The following PTPRM variants were observed in gnomAD, a reference collection of about 807,000 sequenced individuals.
PTPRM encodes the protein receptor-type tyrosine-protein phosphatase mu.
In PTPRM, 47 loss-of-function variants were observed where a neutral mutation model predicts 186.7. The observed-to-expected ratio is 0.25, with a 90% CI of 0.20 to 0.32. PTPRM has a LOEUF of 0.32. Ranked by LOEUF, PTPRM falls within the 10% of genes least tolerant of loss-of-function variation. The pLI is 1.00. For synonymous variants in PTPRM, 668 were observed against 674.9 expected (o/e 0.99, Z 0.16); for missense variants, 1,494 against 1,865.0 (o/e 0.80, Z 3.66).
At chr18:7,609,740 G>A (rs150841545) in intron 1 of PTPRM, among the ~76,000 whole-genome samples, 26 of 152,222 alleles carry the variant, frequency 1.7e-4, no homozygotes, top group Admixed American at 5.9e-4. Flanking sequence ...GCTCTTGAGT[G>A]TCTGATTACT....
intron 14 of PTPRM, among the ~76,000 whole-genome samples, chr18:8,171,360 GTAGTTTT>G (rs2093398243): frequency 6.6e-6 from 1 of 152,202 alleles, no homozygotes; most frequent in South Asian, 2.1e-4. Context: ...CTCAGGGACT[GTAGTTTT>G]TCAATAGATT....
intron 11 of PTPRM, among the ~76,000 whole-genome samples, chr18:8,111,563 A>G (rs1307345404): frequency 6.6e-6 from 1 of 152,128 alleles, no homozygotes; most frequent in Non-Finnish European, 1.5e-5. Context: ...CAGTGAGCCA[A>G]GATCGTGCCA....
intron 1 of PTPRM, among the ~76,000 whole-genome samples, chr18:7,767,303 C>T (rs1222522281): frequency 6.6e-6 from 1 of 152,144 alleles, no homozygotes; most frequent in Non-Finnish European, 1.5e-5. Flanking sequence ...ATTTGTATAT[C>T]TCAGTAGAGA....
intron 14 of PTPRM, among the ~76,000 whole-genome samples, chr18:8,209,844 A>G (rs7227101): frequency 0.069 from 10,418 of 151,816 alleles, 1,201 homozygotes; most frequent in African/African-American, 0.24. Flanking sequence ...AAGGGGAGGG[A>G]GAGCATTAGG....
chr18:8,158,775 AG>A (rs1254206486), intron 14 of PTPRM, among the ~76,000 whole-genome samples: 1 of 152,238 alleles, frequency 6.6e-6, no homozygotes, highest in African/African-American at 2.4e-5. Flanking sequence ...AAGCACAAGC[AG>A]GCGTGTCCCA....
Position 8,284,476 on chromosome 18 carries a change from G to A in PTPRM, c.2755-11892G>A, listed in dbSNP as rs75349610. 4.1e-3 allele frequency among the ~76,000 whole-genome samples: 625 copies of A among 152,196 alleles called. 4 individuals carry two copies. The highest frequency in any genetic ancestry group is 0.013 in the African/African-American group (548 of 41,530). ...TTCAGCAGACTGTGATTCTGAAGGG[G>A]GAAGAAACACTATACTGTGAAACAT... On this transcript the variant is annotated intron_variant, in intron 19 of 32. Transcript: ENST00000580170.
chr18:7,584,361 G>A (rs534500757), intron 1 of PTPRM, among the ~76,000 whole-genome samples: 2 of 152,290 alleles, frequency 1.3e-5, no homozygotes, highest in South Asian at 4.1e-4. Flanking sequence ...GTTTGTCGTC[G>A]ATTGTTAGGG....
rs2095905728 is a variant in PTPRM at position 8,406,227 on chromosome 18, G to T, written c.*65G>T. On this transcript the variant is annotated 3_prime_UTR_variant, in exon 33 of 33. Transcript: ENST00000580170. ...AAAGCCAAGACGTTCCATGGTATTT[G>T]TGCAAAAGAGATGAAGACTTCTCAA... The T allele has an allele frequency of 1.4e-6, 2 of 1,460,040 alleles. No homozygotes were observed. The highest frequency in any genetic ancestry group is 2.8e-5 in the African/African-American group (2 of 71,096). 90.4% of individuals were successfully genotyped at this position (1,460,040 alleles called of 1,614,324 possible).
At chr18:7,889,339 T>C (rs1288454990) in intron 3 of PTPRM, among the ~76,000 whole-genome samples, 2 of 145,044 alleles carry the variant, frequency 1.4e-5, no homozygotes, top group African/African-American at 2.5e-5. Context: ...CTTTCTTTTT[T>C]TTTTTTTTTT....
intron 13 of PTPRM, among the ~76,000 whole-genome samples, chr18:8,138,940 T>C (rs2092701392): frequency 1.3e-5 from 2 of 152,094 alleles, no homozygotes; most frequent in Admixed American, 6.5e-5. Flanking sequence ...TCCGCCTCCA[T>C]GTGGCTGAGT....
chr18:8,231,327 G>C (rs1273455062), intron 14 of PTPRM, among the ~76,000 whole-genome samples: 5 of 152,218 alleles, frequency 3.3e-5, no homozygotes, highest in African/African-American at 1.2e-4. Context: ...TGGCAGACGG[G>C]CCCATCCATC....
chr18:8,168,022 A>G (rs1284200363), intron 14 of PTPRM, among the ~76,000 whole-genome samples: 1 of 152,152 alleles, frequency 6.6e-6, no homozygotes, highest in Non-Finnish European at 1.5e-5. Flanking sequence ...GGTATTTCTC[A>G]TTAGCATTAT....
At chr18:8,317,655 A>G (rs1261447964) in intron 21 of PTPRM, among the ~76,000 whole-genome samples, 2 of 152,166 alleles carry the variant, frequency 1.3e-5, no homozygotes, top group African/African-American at 2.4e-5. Context: ...CCAGGGAGGT[A>G]GGTAGGAAGA....
chr18:7,567,831 G>GCATTATTTTTCA lies in PTPRM; in HGVS notation c.13_14insCATTATTTTTCA (p.Gly5delinsAlaLeuPhePheArg). On this transcript the variant is annotated protein_altering_variant, in exon 1 of 33. Transcript: ENST00000580170. The surrounding 1 kb of genome is among the most constrained non-coding windows in gnomAD (Gnocchi z 4.3). ...CGCACTCAGCACCATGAGGGGACTT[G>GCATTATTTTTCA]GGACTTGCCTGGCGACTTTGGCCGG... 6.4e-7 allele frequency: 1 copy of GCATTATTTTTCA among 1,558,678 alleles called. No homozygotes were observed. The highest frequency in any genetic ancestry group is 8.6e-7 in the Non-Finnish European group (1 of 1,156,364).
intron 14 of PTPRM, among the ~76,000 whole-genome samples, chr18:8,171,079 T>C (rs187409516): frequency 6.6e-6 from 1 of 152,336 alleles, no homozygotes; most frequent in Admixed American, 6.5e-5. Context: ...TAGGAGTAGC[T>C]AAAAACTGAA....
At chr18:8,295,277 A>G (rs1203722299) in intron 19 of PTPRM, among the ~76,000 whole-genome samples, 4 of 152,208 alleles carry the variant, frequency 2.6e-5, no homozygotes, top group Non-Finnish European at 5.9e-5. Flanking sequence ...ACCCACAAAA[A>G]GGAATAAATA....
chr18:7,821,507 T>C (rs2048695741), intron 2 of PTPRM, among the ~76,000 whole-genome samples: 1 of 152,178 alleles, frequency 6.6e-6, no homozygotes, highest in African/African-American at 2.4e-5. Context: ...CCAAGTCCCC[T>C]AGTGGATGCC....
chr18:7,692,416 A>G (rs2039752731), intron 1 of PTPRM, among the ~76,000 whole-genome samples: 1 of 152,098 alleles, frequency 6.6e-6, no homozygotes, highest in African/African-American at 2.4e-5. Flanking sequence ...CAGGAGGTTA[A>G]GGCTATAGTG....
At chr18:8,131,306 T>A (rs1178696189) in intron 13 of PTPRM, among the ~76,000 whole-genome samples, 1 of 152,176 alleles carries the variant, frequency 6.6e-6, no homozygotes, top group Non-Finnish European at 1.5e-5. Context: ...CTCCCACTGA[T>A]GATATTTTCC....
Sources: gnomAD v4.1 joint callset for allele counts (sites outside exome capture counted in the v4.1 genomes callset) on GRCh38, gnomAD v4.1.1 for gene constraint, Gnocchi (gnomAD v3.1) non-coding constraint, MANE v1.5 for transcripts, NCBI Gene and HGNC (gene_info 2026-07-23, HGNC 2026-07-21) for gene names.